Variants in TNKS observed in about 807,000 individuals in gnomAD.
TNKS encodes the protein poly [ADP-ribose] polymerase tankyrase-1.
In TNKS, 72 loss-of-function variants were observed where a neutral mutation model predicts 135.8. The observed-to-expected ratio is 0.53, with a 90% CI of 0.44 to 0.64. The LOEUF (loss-of-function observed/expected upper bound fraction) is 0.64, where lower values mean the gene tolerates loss of function less well. TNKS is among the 30% of genes least tolerant of loss of function. The probability of loss-of-function intolerance (pLI) is 0.00; values close to 1 mark genes in which losing one functional copy is unlikely to be tolerated. For missense variants in TNKS, 1,769 were observed against 1,674.0 expected (o/e 1.06, Z -0.99); for synonymous variants, 849 against 649.3 (o/e 1.31, Z -4.68).
chr8:9,583,158 C>G (rs1300025696), intron 2 of TNKS, among the ~76,000 whole-genome samples: 3 of 128,830 alleles, frequency 2.3e-5, no homozygotes, highest in East Asian at 2.3e-4. Flanking sequence ...GAGCGAGACT[C>G]TGTCTCAAAA....
rs937814905 is a variant in TNKS, at chr8:9,683,985, C to T, written c.1107+3185C>T. 6.7e-5 allele frequency among the ~76,000 whole-genome samples: 10 copies of T among 149,254 alleles called. No individual in the cohort carries two copies. The South Asian group carries it at 1.7e-3, about 25-fold the overall frequency. On this transcript the variant is annotated intron_variant, in intron 5 of 26. Coordinates refer to ENST00000310430, the MANE Select transcript of TNKS (RefSeq NM_003747.3). ...CCTAAAAGCAGAATTTTTTTTTGTT[C>T]TAAAATGCTACCTTTTGTTGTTGCT...
At chr8:9,624,842 A>G (rs190603526) in intron 3 of TNKS, among the ~76,000 whole-genome samples, 29 of 152,318 alleles carry the variant, frequency 1.9e-4, no homozygotes, top group Admixed American at 3.9e-4. Flanking sequence ...ATGGAGGCAT[A>G]TCCTCCCGTA....
At chr8:9,559,988 A>G (rs1408295784) in intron 1 of TNKS, among the ~76,000 whole-genome samples, 1 of 152,162 alleles carries the variant, frequency 6.6e-6, no homozygotes, top group Non-Finnish European at 1.5e-5. Context: ...GGCTTTGTAA[A>G]GATGAGCCAT....
In TNKS at chr8:9,780,740, G is replaced by C. The variant is rs1009230803; in HGVS notation, c.*4004G>C. 3 of 152,154 alleles carry C rather than the reference G, an allele frequency of 2.0e-5. No individual in the cohort carries two copies. The highest frequency in any genetic ancestry group is 7.2e-5 in the African/African-American group (3 of 41,442). 9.4% of individuals were successfully genotyped at this position (152,154 alleles called of 1,614,324 possible). A position where few individuals can be genotyped will look rare whatever the true frequency, so the allele number is the denominator to read the frequency against. On this transcript the variant is annotated 3_prime_UTR_variant, in exon 27 of 27. Coordinates refer to ENST00000310430, the MANE Select transcript of TNKS (RefSeq NM_003747.3). Reference sequence around the variant, plus strand: ...TAGTGTTTGAAAGGTGTGTCAGTGAGTCGGCCATGTCTCCATGTGTTTCAG... The same window carrying C: ...TAGTGTTTGAAAGGTGTGTCAGTGACTCGGCCATGTCTCCATGTGTTTCAG...
At chr8:9,761,727 C>A in intron 21 of TNKS, 91 bp downstream of exon 21, 1 of 1,318,952 alleles carries the variant, frequency 7.6e-7, no homozygotes, top group Non-Finnish European at 1.0e-6. Context: ...AGTCCAGTCC[C>A]AGAACCATAC....
chr8:9,604,011 G>T (rs981889159), intron 2 of TNKS, among the ~76,000 whole-genome samples: 1 of 152,142 alleles, frequency 6.6e-6, no homozygotes, highest in Non-Finnish European at 1.5e-5. Flanking sequence ...GAAATAAAAA[G>T]AGGAAGTAAA....
In TNKS at chr8:9,555,973, C is replaced by T. The variant is rs367708021; in HGVS notation, c.34C>T (p.His12Tyr). The T allele has an allele frequency of 6.8e-5, 109 of 1,613,352 alleles. No homozygotes were observed. Among genetic ancestry groups the T allele is most frequent in the Non-Finnish European group, 8.8e-5 (104 of 1,179,866 alleles). ...AASRRSQHHH[H>Y]HHQQQLQPAP... The stretch of plus-strand genomic sequence containing the variant: ...GTCGCGTCGCTCTCAGCATCATCAC[C>T]ACCATCATCAACAACAGCTCCAGCC... Residue 12 changes from histidine to tyrosine, a missense_variant, in exon 1 of 27, where the codon CAC becomes TAC. By Grantham distance (83) the His-to-Tyr change is moderately conservative. Transcript: ENST00000310430.
intron 1 of TNKS, among the ~76,000 whole-genome samples, chr8:9,576,999 C>G (rs928394825): frequency 1.1e-4 from 16 of 152,094 alleles, no homozygotes; most frequent in African/African-American, 3.4e-4. Context: ...AATAGTACCT[C>G]TGGGGAAGCA....
intron 3 of TNKS, among the ~76,000 whole-genome samples, chr8:9,634,113 T>A (rs1002080963): frequency 7.4e-5 from 11 of 149,364 alleles, no homozygotes; most frequent in East Asian, 3.9e-4. Flanking sequence ...GTATATATAT[T>A]TTTTTTCCAA....
chr8:9,666,024 G>T (rs1801971406), intron 3 of TNKS, among the ~76,000 whole-genome samples: 1 of 151,920 alleles, frequency 6.6e-6, no homozygotes, highest in Non-Finnish European at 1.5e-5. Context: ...CTCTGAAACT[G>T]AAGTTCCTTG....
chr8:9,710,387 T>A (rs183046984), intron 11 of TNKS, 167 bp downstream of exon 11: 1 of 658,202 alleles, frequency 1.5e-6, no homozygotes, highest in East Asian at 2.7e-5. Flanking sequence ...AGATCTTGTT[T>A]CTAATAAAAA....
chr8:9,733,683 G>C (rs563666586), intron 15 of TNKS, among the ~76,000 whole-genome samples: 1 of 152,278 alleles, frequency 6.6e-6, no homozygotes, highest in African/African-American at 2.4e-5. Flanking sequence ...GTAGGTTTTA[G>C]AAAGAGCTGA....
chr8:9,673,740 G>A (rs1474528013), intron 3 of TNKS, among the ~76,000 whole-genome samples: 1 of 152,066 alleles, frequency 6.6e-6, no homozygotes, highest in Non-Finnish European at 1.5e-5. Context: ...ACCGCACCCG[G>A]CCTGGAATTT....
At chr8:9,732,239 G>A (rs1805481600) in intron 14 of TNKS, among the ~76,000 whole-genome samples, 2 of 152,288 alleles carry the variant, frequency 1.3e-5, no homozygotes, top group Admixed American at 1.3e-4. Flanking sequence ...TTCAGATACT[G>A]TATGTTTTAT....
chr8:9,561,193 G>C (rs1182063625), intron 1 of TNKS, among the ~76,000 whole-genome samples: 1 of 152,262 alleles, frequency 6.6e-6, no homozygotes, highest in South Asian at 2.1e-4. Flanking sequence ...ATGCTAATTT[G>C]CATATCATTA....
At position 9,663,334 on chromosome 8, in the gene TNKS, G is replaced by A. The variant is rs1801822387; in HGVS notation, c.995-16617G>A. On this transcript the variant is annotated intron_variant, in intron 3 of 26. Transcript: ENST00000310430. The stretch of plus-strand genomic sequence containing the variant: ...CAGTTACCTCAGAGCATTATTTGAG[G>A]ATTAAGTGAGTTTATTCAAGGAAAG... Among the ~76,000 whole-genome samples the A allele has an allele frequency of 2.6e-5, 4 of 152,290 alleles. No individual in the cohort carries two copies. The South Asian group carries it at 6.2e-4, about 24-fold the overall frequency.
At chr8:9,582,205 A>G (rs986356257) in intron 2 of TNKS, among the ~76,000 whole-genome samples, 2 of 152,166 alleles carry the variant, frequency 1.3e-5, no homozygotes, top group Admixed American at 6.5e-5. Flanking sequence ...GTAATAGCTT[A>G]TATATCTTAT....
rs1247825974 is a variant in TNKS at position 9,777,842 on chromosome 8, A to G, written c.*1106A>G. Reference sequence around the variant, plus strand: ...CCACTTGATTGTTTCTTTAGTTGAGAATGCTGGGATTCAGACTCGAATAGT... The same window carrying G: ...CCACTTGATTGTTTCTTTAGTTGAGGATGCTGGGATTCAGACTCGAATAGT... On this transcript the variant is annotated 3_prime_UTR_variant, in exon 27 of 27. Coordinates refer to ENST00000310430, the MANE Select transcript of TNKS (RefSeq NM_003747.3). 1.3e-5 allele frequency: 2 copies of G among 152,426 alleles called. No individual in the cohort carries two copies. The highest frequency in any genetic ancestry group is 2.9e-5 in the Non-Finnish European group (2 of 68,044). 9.4% of individuals were successfully genotyped at this position (152,426 alleles called of 1,614,324 possible).
At position 9,592,275 on chromosome 8, in the gene TNKS, G is replaced by A. The variant is rs182350329; in HGVS notation, c.898+11892G>A. Among the ~76,000 whole-genome samples the A allele has an allele frequency of 3.9e-5, 6 of 152,162 alleles. 1 individual carries two copies. The highest frequency in any genetic ancestry group is 2.6e-4 in the Admixed American group (4 of 15,274). On this transcript the variant is annotated intron_variant, in intron 2 of 26. Transcript: ENST00000310430. ...TTTTTGGTTTGTGTTTTCCTTTAAT[G>A]TGTTCTGTTAGCATTGTGAACATTA...
Sources: gnomAD v4.1 joint callset for allele counts (sites outside exome capture counted in the v4.1 genomes callset) on GRCh38, gnomAD v4.1.1 for gene constraint, MANE v1.5 for transcripts, NCBI Gene and HGNC (gene_info 2026-07-23, HGNC 2026-07-21) for gene names.